The following ARMH4 variants were observed in gnomAD, a reference collection of about 807,000 sequenced individuals.
ARMH4 encodes armadillo-like helical domain-containing protein 4.
In ARMH4, 49 loss-of-function variants were observed where a neutral mutation model predicts 61.9. The ratio of observed to expected loss-of-function variants is 0.79; its 90% CI spans 0.63 to 1.00. ARMH4 has a LOEUF of 1.00. Ranked by LOEUF, ARMH4 falls within the 50% of genes least tolerant of loss-of-function variation. The pLI, the probability that ARMH4 is intolerant of heterozygous loss-of-function variation, is 0.00. For missense variants in ARMH4, 934 were observed against 930.0 expected, an observed-to-expected ratio of 1.00 and a Z score of -0.06; for synonymous variants, 368 against 341.5, an observed-to-expected ratio of 1.08 and a Z score of -0.85.
intron 1 of ARMH4, among the ~76,000 whole-genome samples, chr14:58,150,072 A>G (rs1038885867): frequency 1.3e-5 from 2 of 152,202 alleles, no homozygotes; most frequent in Non-Finnish European, 2.9e-5. Flanking sequence ...CTTGATCAAC[A>G]AACTCTTCTC....
chr14:58,018,468 C>CA (rs71107905), intron 5 of ARMH4, among the ~76,000 whole-genome samples: 5,777 of 143,468 alleles, frequency 0.04, 130 homozygotes, highest in African/African-American at 0.064. Flanking sequence ...AGACATTTCT[C>CA]AAAAAAAAAA....
intron 1 of ARMH4, among the ~76,000 whole-genome samples, chr14:58,149,619 C>G (rs184162876): frequency 9.8e-5 from 15 of 152,296 alleles, no homozygotes; most frequent in Admixed American, 4.6e-4. Context: ...TGAAGATATC[C>G]GTGCTTATCA....
chr14:58,105,673 T>A (rs1327673888), intron 4 of ARMH4, among the ~76,000 whole-genome samples: 2 of 136,390 alleles, frequency 1.5e-5, no homozygotes, highest in Admixed American at 7.8e-5. Context: ...GGCAACAGAG[T>A]AAGACTCCAT....
intron 5 of ARMH4, among the ~76,000 whole-genome samples, chr14:58,067,393 C>T (rs764084331): frequency 2.6e-5 from 4 of 152,200 alleles, no homozygotes; most frequent in Non-Finnish European, 4.4e-5. Context: ...CTAAGCAATG[C>T]AAAACAGGAC....
intron 4 of ARMH4, among the ~76,000 whole-genome samples, chr14:58,117,125 G>T (rs1028476339): frequency 2.0e-5 from 3 of 152,066 alleles, no homozygotes; most frequent in African/African-American, 7.2e-5. Context: ...CTTAACATCT[G>T]CTCATTAAAT....
chr14:58,063,222 GT>G (rs1487426873), intron 5 of ARMH4, among the ~76,000 whole-genome samples: 1 of 152,098 alleles, frequency 6.6e-6, no homozygotes, highest in African/African-American at 2.4e-5. Context: ...TTCTCATGGC[GT>G]TCTCCCTGCA....
intron 2 of ARMH4, 134 bp downstream of exon 2, chr14:58,137,856 G>C: frequency 1.1e-6 from 1 of 898,068 alleles, no homozygotes; most frequent in Non-Finnish European, 1.6e-6. Context: ...GAAAATGCTG[G>C]GATTATAGGC....
intron 4 of ARMH4, among the ~76,000 whole-genome samples, chr14:58,103,985 CA>C (rs879753072): frequency 1.3e-5 from 2 of 152,098 alleles, no homozygotes; most frequent in Admixed American, 1.3e-4. Flanking sequence ...CCTCAAAAGT[CA>C]CTTTACTCCA....
chr14:58,105,779 T>G (rs191849274), intron 4 of ARMH4, among the ~76,000 whole-genome samples: 9 of 152,142 alleles, frequency 5.9e-5, no homozygotes, highest in Admixed American at 2.6e-4. Context: ...TAACCAGTGA[T>G]AATGCTCAAA....
intron 4 of ARMH4, among the ~76,000 whole-genome samples, chr14:58,125,522 T>C (rs2141315190): frequency 6.6e-6 from 1 of 152,290 alleles, no homozygotes; most frequent in Middle Eastern, 3.4e-3. Flanking sequence ...GCCATACATT[T>C]CAATCCCTGT....
intron 5 of ARMH4, among the ~76,000 whole-genome samples, chr14:58,083,462 A>G (rs1885290803): frequency 6.6e-6 from 1 of 152,064 alleles, no homozygotes; most frequent in African/African-American, 2.4e-5. Flanking sequence ...GTGTGCCTGT[A>G]GTCCCAGCTA....
Position 58,001,673 on chromosome 14 carries a change from T to C in ARMH4, c.*3063A>G, listed in dbSNP as rs1215264771. The stretch of plus-strand genomic sequence containing the variant: ...TATCATAAGGAAGTGGTTCTCTAGA[T>C]AGATCCCTCCTAGCTGTGTTCCCAA... On this transcript the variant is annotated 3_prime_UTR_variant, in exon 8 of 8. Coordinates refer to ENST00000267485, the MANE Select transcript of ARMH4 (RefSeq NM_001001872.4). The C allele has an allele frequency of 1.3e-5, 2 of 152,200 alleles. No homozygotes were observed. The highest frequency in any genetic ancestry group is 2.4e-5 in the African/African-American group (1 of 41,436). The allele number at this position is 152,200 out of a possible 1,614,324, so 9.4% of individuals were successfully genotyped here.
intron 5 of ARMH4, among the ~76,000 whole-genome samples, chr14:58,074,589 T>C (rs891764965): frequency 6.6e-6 from 1 of 152,008 alleles, no homozygotes; most frequent in Non-Finnish European, 1.5e-5. Flanking sequence ...CCTCCCACCA[T>C]GGCCAATTTC....
chr14:58,075,706 C>T (rs1404095762), intron 5 of ARMH4, among the ~76,000 whole-genome samples: 1 of 152,102 alleles, frequency 6.6e-6, no homozygotes, highest in Non-Finnish European at 1.5e-5. Context: ...ACCTATGTAA[C>T]AAACTTGCAC....
rs1887422933 is a variant in ARMH4, at chr14:58,138,864, T to C, written c.495A>G (p.Thr165=). The C allele has an allele frequency of 6.2e-7, 1 of 1,614,112 alleles. No homozygotes were observed. The highest frequency in any genetic ancestry group is 1.3e-5 in the African/African-American group (1 of 74,936). Reference sequence around the variant, plus strand: ...CTACAATGGGCTGAAAGTTAGTGCTTGTAAGGAGTTCCTCCTTTTCATCAA... The same window carrying C: ...CTACAATGGGCTGAAAGTTAGTGCTCGTAAGGAGTTCCTCCTTTTCATCAA... ...LTVDEKEELL[T]STNFQPIVEE... The change falls in exon 2 of 8, where the codon ACA becomes ACG. Residue 165 remains threonine, a synonymous_variant. Coordinates refer to ENST00000267485, the MANE Select transcript of ARMH4 (RefSeq NM_001001872.4).
Position 58,001,956 on chromosome 14 carries a change from T to G in ARMH4, c.*2780A>C, listed in dbSNP as rs2141118297. 1 of 152,328 alleles carries G rather than the reference T, an allele frequency of 6.6e-6. No homozygotes were observed. The highest frequency in any genetic ancestry group is 1.9e-4 in the East Asian group (1 of 5,188). 9.4% of individuals were successfully genotyped at this position (152,328 alleles called of 1,614,324 possible). A position where few individuals can be genotyped will look rare whatever the true frequency, so the allele number is the denominator to read the frequency against. On this transcript the variant is annotated 3_prime_UTR_variant, in exon 8 of 8. Coordinates refer to ENST00000267485, the MANE Select transcript of ARMH4 (RefSeq NM_001001872.4). The stretch of plus-strand genomic sequence containing the variant: ...CAACTGAAGCTGCAGGAATCAGCCC[T>G]CCTTTCCAGACAGCTTTATTTGTTT...
At chr14:58,084,912 A>T (rs1885333612) in intron 5 of ARMH4, among the ~76,000 whole-genome samples, 1 of 152,358 alleles carries the variant, frequency 6.6e-6, no homozygotes, top group East Asian at 1.9e-4. Context: ...TTAATTCTCA[A>T]ATGCTGAAAT....
chr14:58,109,902 G>T (rs1004170769), intron 4 of ARMH4, among the ~76,000 whole-genome samples: 5 of 152,196 alleles, frequency 3.3e-5, no homozygotes, highest in African/African-American at 1.2e-4. Context: ...GGTGGAAGGG[G>T]AAGCAGGCAC....
At chr14:58,103,213 GAGGCAGACACTGGA>G (rs1270998497) in intron 4 of ARMH4, among the ~76,000 whole-genome samples, 2 of 152,012 alleles carry the variant, frequency 1.3e-5, no homozygotes, top group Non-Finnish European at 2.9e-5. Flanking sequence ...TGTGGAGAGG[GAGGCAGACACTGGA>G]ATGATAAAGC....
Sources: allele counts gnomAD v4.1 joint callset (sites outside exome capture counted in the v4.1 genomes callset), GRCh38; gene constraint gnomAD v4.1.1; transcripts MANE v1.5; gene names NCBI Gene and HGNC (gene_info 2026-07-23, HGNC 2026-07-21).